SYCP1: variants seen among roughly 807,000 people sequenced by gnomAD.
SYCP1 encodes cancer/testis antigen 8.
A neutral mutation model predicts 153.1 loss-of-function variants in SYCP1; 64 were observed. The ratio of observed to expected loss-of-function variants is 0.42; its 90% confidence interval spans 0.34 to 0.51. The LOEUF (loss-of-function observed/expected upper bound fraction) is 0.51. Among genes scored for constraint, SYCP1 ranks in the 20% least tolerant of loss-of-function variants. The pLI is 0.06. For missense variants in SYCP1, 997 were observed against 1,049.0 expected (o/e 0.95, Z 0.68); for synonymous variants, 384 against 341.8 (o/e 1.12, Z -1.36).
At chr1:114,946,169 C>A in intron 25 of SYCP1, 120 bp from the exon 26 acceptor site, 1 of 312,802 alleles carries the variant, frequency 3.2e-6, no homozygotes. Flanking sequence ...TAAGTTTCTG[C>A]AAAATTAAAT....
chr1:114,871,322 C>G (rs1030698278), intron 8 of SYCP1, among the ~76,000 whole-genome samples: 10 of 151,792 alleles, frequency 6.6e-5, no homozygotes, highest in Non-Finnish European at 1.3e-4. Context: ...TGCCCACCAC[C>G]AAGCCCGGCT....
chr1:114,962,691 C>T (rs1434629838), intron 27 of SYCP1, among the ~76,000 whole-genome samples: 1 of 152,080 alleles, frequency 6.6e-6, no homozygotes, highest in Non-Finnish European at 1.5e-5. Flanking sequence ...ATGTGAGGTA[C>T]TCTTCCATTC....
In SYCP1 at chr1:114,895,428, T is replaced by A; in HGVS notation, c.1259-20T>A. On this transcript the variant is annotated intron_variant, in intron 15 of 31. Coordinates refer to ENST00000369522, the MANE Select transcript of SYCP1 (RefSeq NM_003176.4). The stretch of plus-strand genomic sequence containing the variant: ...CTTTTAATCCAGCTTTTTAACACAT[T>A]TTTTTTTTGCTCATTTTAGAAGAGA... 1 of 1,423,860 alleles carries A rather than the reference T, an allele frequency of 7.0e-7. No individual in the cohort carries two copies. Among genetic ancestry groups the A allele is most frequent in the Admixed American group, 2.4e-5 (1 of 41,778 alleles). The allele number at this position is 1,423,860 out of a possible 1,614,324, so 88.2% of individuals were successfully genotyped here. A position where few individuals can be genotyped will look rare whatever the true frequency, so the allele number is the denominator to read the frequency against.
intron 8 of SYCP1, among the ~76,000 whole-genome samples, chr1:114,866,994 G>T (rs1399454964): frequency 6.7e-6 from 1 of 148,582 alleles, no homozygotes; most frequent in Non-Finnish European, 1.5e-5. Flanking sequence ...TTACTCCTTT[G>T]TCAAATATCA....
At chr1:114,994,018 C>G (rs1674104405) in intron 30 of SYCP1, among the ~76,000 whole-genome samples, 1 of 150,906 alleles carries the variant, frequency 6.6e-6, no homozygotes, top group Non-Finnish European at 1.5e-5. Context: ...TTTATGTCCT[C>G]AAGGTTTATC....
intron 23 of SYCP1, among the ~76,000 whole-genome samples, chr1:114,939,850 T>G (rs1364858165): frequency 6.6e-6 from 1 of 152,250 alleles, no homozygotes; most frequent in East Asian, 1.9e-4. Flanking sequence ...ATGCAAAGGC[T>G]TTTAATTTCT....
rs1670774609 is a variant in SYCP1 at position 114,947,312 on chromosome 1, G to A, written c.2314G>A (p.Glu772Lys). Residue 772 changes from glutamate (E) to lysine (K), a missense_variant, in exon 27 of 32, where the codon GAA becomes AAA. By Grantham distance (56) the Glu-to-Lys change is moderately conservative. Transcript: ENST00000369522. ...SVKKQLEIER[E>K]EKEKLKREAK... is the part of the protein sequence containing the mutation. Reference sequence around the variant, plus strand: ...TAAGAAGCAACTTGAAATAGAAAGAGAAGAGAAGGTAGGTTTTTTGGCATT... The same window carrying A: ...TAAGAAGCAACTTGAAATAGAAAGAAAAGAGAAGGTAGGTTTTTTGGCATT... 1 of 1,612,558 alleles carries A rather than the reference G, an allele frequency of 6.2e-7. No homozygotes were observed. The highest frequency in any genetic ancestry group is 8.5e-7 in the Non-Finnish European group (1 of 1,179,258).
intron 21 of SYCP1, among the ~76,000 whole-genome samples, chr1:114,925,524 G>A (rs1392361077): frequency 6.6e-6 from 1 of 152,036 alleles, no homozygotes; most frequent in African/African-American, 2.4e-5. Flanking sequence ...CAGATATTTT[G>A]TGTGACATTG....
intron 20 of SYCP1, among the ~76,000 whole-genome samples, chr1:114,914,780 T>G (rs556635710): frequency 6.6e-6 from 1 of 152,320 alleles, no homozygotes; most frequent in African/African-American, 2.4e-5. Context: ...TCTGGAGGAA[T>G]GCATTCTTAA....
intron 24 of SYCP1, 84 bp from the exon 25 acceptor site, chr1:114,944,788 T>C (rs1465871118): frequency 4.9e-6 from 5 of 1,013,266 alleles, no homozygotes; most frequent in Non-Finnish European, 7.2e-6. Context: ...TTTGCTTTTA[T>C]TTAAGTAGAA....
intron 27 of SYCP1, among the ~76,000 whole-genome samples, chr1:114,958,700 C>T (rs1671590898): frequency 6.8e-6 from 1 of 146,658 alleles, no homozygotes. Context: ...GCGGGCGGAT[C>T]ACAAGGTCAG....
intron 23 of SYCP1, among the ~76,000 whole-genome samples, chr1:114,940,276 T>C (rs1299425325): frequency 6.6e-6 from 1 of 152,120 alleles, no homozygotes; most frequent in Non-Finnish European, 1.5e-5. Flanking sequence ...TTTGTATTTT[T>C]AGTAGAGAAG....
intron 27 of SYCP1, among the ~76,000 whole-genome samples, chr1:114,970,899 C>A (rs1444517249): frequency 6.6e-6 from 1 of 152,170 alleles, no homozygotes; most frequent in Non-Finnish European, 1.5e-5. Flanking sequence ...GTTATGCTGG[C>A]AGTGAAGTTG....
At chr1:114,886,397 A>C (rs534402766) in intron 14 of SYCP1, 88 bp downstream of exon 14, 1 of 1,145,250 alleles carries the variant, frequency 8.7e-7, no homozygotes, top group Non-Finnish European at 1.2e-6. Flanking sequence ...TTGCATTGCC[A>C]ACTGATGTGT....
At chr1:114,933,621 G>T (rs1669784724) in intron 23 of SYCP1, among the ~76,000 whole-genome samples, 1 of 152,202 alleles carries the variant, frequency 6.6e-6, no homozygotes. Context: ...AAAGGAGGAT[G>T]TTCGAACCCA....
At chr1:114,980,221 C>T (rs1169410020) in intron 28 of SYCP1, among the ~76,000 whole-genome samples, 3 of 151,778 alleles carry the variant, frequency 2.0e-5, no homozygotes, top group Non-Finnish European at 2.9e-5. Flanking sequence ...ATAATTGCCA[C>T]GATTGTATTC....
chr1:114,896,103 A>C (rs777550272), intron 16 of SYCP1, among the ~76,000 whole-genome samples: 1 of 152,026 alleles, frequency 6.6e-6, no homozygotes, highest in African/African-American at 2.4e-5. Context: ...TTCCTAGCTT[A>C]AGGGTCTAGG....
At chr1:114,904,310 G>T (rs1667676908) in intron 16 of SYCP1, among the ~76,000 whole-genome samples, 1 of 151,858 alleles carries the variant, frequency 6.6e-6, no homozygotes, top group Non-Finnish European at 1.5e-5. Context: ...TAGAGATGGG[G>T]TTTCACCGTG....
chr1:114,993,308 T>A (rs1341840079), intron 30 of SYCP1, among the ~76,000 whole-genome samples: 1 of 151,598 alleles, frequency 6.6e-6, no homozygotes, highest in Non-Finnish European at 1.5e-5. Context: ...AAAATCTGTT[T>A]GAAATTTCTC....
Sources: gnomAD v4.1 joint callset for allele counts (sites outside exome capture counted in the v4.1 genomes callset) on GRCh38, gnomAD v4.1.1 for gene constraint, MANE v1.5 for transcripts, NCBI Gene and HGNC (gene_info 2026-07-23, HGNC 2026-07-21) for gene names.